The following ROR1 variants were observed in gnomAD, a reference collection of about 807,000 sequenced individuals.
ROR1 encodes the protein ROR family WNT receptor 1.
A neutral mutation model predicts 78.8 loss-of-function variants in ROR1; 19 were observed. The observed-to-expected ratio is 0.24, with a 90% CI of 0.17 to 0.35. ROR1 has a LOEUF of 0.35. Ranked by LOEUF, ROR1 falls within the 10% of genes least tolerant of loss-of-function variation. ROR1 has a pLI of 1.00. For missense variants in ROR1, 917 were observed against 1,177.8 expected, an observed-to-expected ratio of 0.78 and a Z score of 3.24; for synonymous variants, 386 against 433.6, an observed-to-expected ratio of 0.89 and a Z score of 1.36.
At chr1:63,809,302 G>A (rs989602871) in intron 1 of ROR1, among the ~76,000 whole-genome samples, 1 of 152,206 alleles carries the variant, frequency 6.6e-6, no homozygotes, top group African/African-American at 2.4e-5. Flanking sequence ...GTCCCCCACA[G>A]GGTAATGAAT....
At chr1:63,939,617 G>T (rs940551813) in intron 1 of ROR1, among the ~76,000 whole-genome samples, 1 of 152,146 alleles carries the variant, frequency 6.6e-6, no homozygotes, top group Non-Finnish European at 1.5e-5. Context: ...TTTGGATTTG[G>T]ATTCTGATTT....
chr1:63,826,109 T>C (rs1644951590), intron 1 of ROR1, among the ~76,000 whole-genome samples: 1 of 152,204 alleles, frequency 6.6e-6, no homozygotes, highest in South Asian at 2.1e-4. Flanking sequence ...TTTTAGCTTT[T>C]AAGTTCAGGG....
rs376470883 is a variant in ROR1 at position 63,867,862 on chromosome 1, T to C, written c.91+93354T>C. On this transcript the variant is annotated intron_variant, in intron 1 of 8. Coordinates refer to ENST00000371079, the MANE Select transcript of ROR1 (RefSeq NM_005012.4). ...TATCCCACCTTCCTTGATCTGCTTCTCTTTTCCCGATTCCGGCTGTCTGGG... is the reference window on the plus strand; with the variant it reads ...TATCCCACCTTCCTTGATCTGCTTCCCTTTTCCCGATTCCGGCTGTCTGGG... Among the ~76,000 whole-genome samples the C allele has an allele frequency of 4.9e-4, 74 of 152,348 alleles. 1 individual carries two copies. In the South Asian group the frequency reaches 0.015, roughly 31 times the overall value.
intron 5 of ROR1, among the ~76,000 whole-genome samples, chr1:64,139,818 T>C (rs1649242371): frequency 6.6e-6 from 1 of 152,304 alleles, no homozygotes; most frequent in Admixed American, 6.5e-5. Flanking sequence ...GATTGCTTTG[T>C]AGTAAAAAAT....
chr1:64,142,521 G>C lies in ROR1; in HGVS notation c.1045G>C (p.Ala349Pro), dbSNP rs147878288. The C allele has an allele frequency of 6.2e-7, 1 of 1,614,086 alleles. No individual in the cohort carries two copies. The highest frequency in any genetic ancestry group is 1.7e-5 in the Admixed American group (1 of 60,012). Residue 349 changes from alanine (A) to proline (P), a missense_variant, in exon 7 of 9, where the codon GCC becomes CCC. By Grantham distance (27) the Ala-to-Pro change is conservative. Coordinates refer to ENST00000371079, the MANE Select transcript of ROR1 (RefSeq NM_005012.4). ...SQYPHTHTFT[A>P]LRFPELNGGH... ...GTATCCCCACACACACACTTTCACC[G>C]CCCTTCGTTTCCCAGAGCTGAATGG... is the stretch of plus-strand genomic sequence containing the variant.
chr1:64,003,505 T>A (rs1187484301), intron 1 of ROR1, among the ~76,000 whole-genome samples: 1 of 152,192 alleles, frequency 6.6e-6, no homozygotes, highest in African/African-American at 2.4e-5. Context: ...GACTAGAAGA[T>A]CCTTGTAGAC....
intron 2 of ROR1, among the ~76,000 whole-genome samples, chr1:64,022,714 C>T (rs861324): frequency 0.31 from 47,566 of 151,988 alleles, 7,863 homozygotes; most frequent in South Asian, 0.47. Context: ...TGTTGTGCTT[C>T]GTAAAATGTA....
At chr1:63,983,424 T>C (rs1010297311) in intron 1 of ROR1, among the ~76,000 whole-genome samples, 13 of 152,194 alleles carry the variant, frequency 8.5e-5, no homozygotes, top group African/African-American at 3.1e-4. Context: ...AGATGGGCAA[T>C]AGGGGAAGCG....
At chr1:63,866,160 G>T (rs1645214140) in intron 1 of ROR1, among the ~76,000 whole-genome samples, 1 of 151,956 alleles carries the variant, frequency 6.6e-6, no homozygotes, top group Admixed American at 6.6e-5. Flanking sequence ...TCTTCTCTTT[G>T]CCCCAGAGAA....
chr1:63,789,083 C>T, intron 1 of ROR1: 1 of 616,806 alleles, frequency 1.6e-6, no homozygotes. Context: ...TGCCCATGTG[C>T]CTGCCCTTCC....
chr1:63,962,006 A>G (rs891798080), intron 1 of ROR1, among the ~76,000 whole-genome samples: 14 of 152,158 alleles, frequency 9.2e-5, no homozygotes, highest in Non-Finnish European at 1.0e-4. Context: ...AAATAAAATT[A>G]CCCAGCACTT....
chr1:63,835,692 A>G (rs1395597510), intron 1 of ROR1, among the ~76,000 whole-genome samples: 1 of 152,248 alleles, frequency 6.6e-6, no homozygotes, highest in Non-Finnish European at 1.5e-5. Flanking sequence ...TGAGAAGCTC[A>G]TAGTGCAGTA....
chr1:63,940,958 C>A (rs895204437), intron 1 of ROR1, among the ~76,000 whole-genome samples: 8 of 152,100 alleles, frequency 5.3e-5, no homozygotes, highest in African/African-American at 1.9e-4. Flanking sequence ...CACTGCGTAA[C>A]CCGAATTTAA....
intron 1 of ROR1, among the ~76,000 whole-genome samples, chr1:63,994,670 T>A (rs1481544889): frequency 6.6e-6 from 1 of 152,156 alleles, no homozygotes; most frequent in Admixed American, 6.5e-5. Flanking sequence ...GTGAAACTCA[T>A]TGCATTGCTT....
Position 63,955,851 on chromosome 1 carries a change from T to G in ROR1, c.92-53454T>G, listed in dbSNP as rs553319204. 5.6e-4 allele frequency among the ~76,000 whole-genome samples: 86 copies of G among 152,354 alleles called. 1 individual carries two copies. The highest frequency in any genetic ancestry group is 4.8e-3 in the South Asian group (23 of 4,822). On this transcript the variant is annotated intron_variant, in intron 1 of 8. Transcript: ENST00000371079. ...CCAAGCAAGTGTGACTCAGGGGCTC[T>G]CTCGGCTAGAAGGCCTCTGAGCCTA... is the stretch of plus-strand genomic sequence containing the variant.
chr1:64,064,476 C>A (rs1646941207), intron 4 of ROR1, among the ~76,000 whole-genome samples: 1 of 152,208 alleles, frequency 6.6e-6, no homozygotes, highest in South Asian at 2.1e-4. Context: ...TCACAGCCTG[C>A]AGAGGTCATC....
chr1:64,032,307 GT>G (rs1165085311), intron 2 of ROR1, among the ~76,000 whole-genome samples: 1 of 126,966 alleles, frequency 7.9e-6, no homozygotes, highest in Non-Finnish European at 1.6e-5. Context: ...TGCCACTGCA[GT>G]CCAGCCCAGT....
intron 8 of ROR1, among the ~76,000 whole-genome samples, chr1:64,175,276 CATCCAGCATT>C (rs1214098101): frequency 2.2e-4 from 33 of 152,204 alleles, no homozygotes; most frequent in Admixed American, 2.0e-3. Flanking sequence ...ACAAAAGCAG[CATCCAGCATT>C]AACTGTTCTG....
At chr1:63,787,807 T>A (rs1038365680) in intron 1 of ROR1, among the ~76,000 whole-genome samples, 1 of 152,256 alleles carries the variant, frequency 6.6e-6, no homozygotes, top group African/African-American at 2.4e-5. Flanking sequence ...ATTACAGGCA[T>A]AAGCCACTGC....
Sources: allele counts gnomAD v4.1 joint callset (sites outside exome capture counted in the v4.1 genomes callset), GRCh38; gene constraint gnomAD v4.1.1; transcripts MANE v1.5; gene names NCBI Gene and HGNC (gene_info 2026-07-23, HGNC 2026-07-21).